The following CTNNA2 variants were observed in gnomAD, a reference collection of about 807,000 sequenced individuals.
The protein encoded by CTNNA2 is catenin alpha 2.
A neutral mutation model predicts 101.0 loss-of-function variants in CTNNA2; 42 were observed. That is an observed-to-expected ratio of 0.42 (90% CI 0.32 to 0.54). The LOEUF (loss-of-function observed/expected upper bound fraction) is 0.54. Ranked by LOEUF, CTNNA2 falls within the 20% of genes least tolerant of loss-of-function variation. The pLI is 0.14. For synonymous variants in CTNNA2, 450 were observed against 456.4 expected (o/e 0.99, Z 0.18); for missense variants, 871 against 1,223.1 (o/e 0.71, Z 4.29).
chr2:79,902,164 G>A (rs1345841727), intron 6 of CTNNA2, among the ~76,000 whole-genome samples: 2 of 152,136 alleles, frequency 1.3e-5, no homozygotes, highest in African/African-American at 4.8e-5. Context: ...TTTTGAAATG[G>A]GGAAATGGCT....
In CTNNA2 at chr2:79,810,397, G is replaced by A. The variant is rs190960053; in HGVS notation, c.299-47616G>A. Among the ~76,000 whole-genome samples, 83 of 152,042 alleles carry A rather than the reference G, an allele frequency of 5.5e-4. 2 individuals are homozygous for A. Among genetic ancestry groups the A allele is most frequent in the Admixed American group, 3.9e-3 (59 of 15,250 alleles). On this transcript the variant is annotated intron_variant, in intron 3 of 18. Transcript: ENST00000402739. ...CTAGGAGAACAGTATGGGGGAAACC[G>A]CCCCATGATTCATTTATCTCCCCCT...
intron 2 of CTNNA2, among the ~76,000 whole-genome samples, chr2:79,295,522 C>CTT: frequency 6.8e-6 from 1 of 147,284 alleles, no homozygotes; most frequent in African/African-American, 2.5e-5. Context: ...TTCTTTCTTT[C>CTT]TTTTTTTTTT....
intron 3 of CTNNA2, among the ~76,000 whole-genome samples, chr2:79,820,014 C>G (rs139793198): frequency 6.6e-6 from 1 of 151,996 alleles, no homozygotes; most frequent in Non-Finnish European, 1.5e-5. Context: ...CTTAGTTCAT[C>G]GTCTAGTTGG....
At chr2:79,387,370 T>G (rs1440511041) in intron 4 of CTNNA2, among the ~76,000 whole-genome samples, 3 of 152,196 alleles carry the variant, frequency 2.0e-5, no homozygotes, top group African/African-American at 7.2e-5. Flanking sequence ...ATTTCCAGAT[T>G]AGCTCGTCAG....
Position 79,226,354 on chromosome 2 carries a change from ACC to A in CTNNA2, c.-406+28281_-406+28282del, listed in dbSNP as rs571257403. ...TAAAACTGGAATAGCAATAGAGCCC[ACC>A]CCATAGAGATTTTGAGAGTATTGCA... On this transcript the variant is annotated intron_variant, in intron 2 of 21. Transcript: ENST00000466387. Among the ~76,000 whole-genome samples, 21 of 152,216 alleles carry A rather than the reference ACC, an allele frequency of 1.4e-4. No individual in the cohort carries two copies. In the South Asian group the frequency reaches 3.9e-3, roughly 29 times the overall value.
At chr2:79,552,650 A>G (rs1674187105) in intron 1 of CTNNA2, among the ~76,000 whole-genome samples, 1 of 152,148 alleles carries the variant, frequency 6.6e-6, no homozygotes. Flanking sequence ...GAGGCTCCCA[A>G]GCCTCAACTC....
At chr2:79,757,963 G>A (rs926581815) in intron 3 of CTNNA2, among the ~76,000 whole-genome samples, 1 of 152,166 alleles carries the variant, frequency 6.6e-6, no homozygotes, top group Non-Finnish European at 1.5e-5. Flanking sequence ...TAACGTCATT[G>A]TTATTCTTGC....
At chr2:80,121,104 A>G (rs1425311311) in intron 7 of CTNNA2, among the ~76,000 whole-genome samples, 1 of 152,214 alleles carries the variant, frequency 6.6e-6, no homozygotes, top group Admixed American at 6.5e-5. Flanking sequence ...TTAAGGCTAG[A>G]CTGCTTTTAA....
intron 7 of CTNNA2, among the ~76,000 whole-genome samples, chr2:79,996,466 G>A (rs985772788): frequency 6.6e-6 from 1 of 152,148 alleles, no homozygotes; most frequent in African/African-American, 2.4e-5. Context: ...GCAGAAAAAA[G>A]AAGATATGGG....
intron 6 of CTNNA2, among the ~76,000 whole-genome samples, chr2:79,890,760 A>C (rs928643940): frequency 2.0e-5 from 3 of 149,042 alleles, no homozygotes; most frequent in Admixed American, 6.8e-5. Context: ...CCTTAGACTG[A>C]GTCATTTATA....
chr2:80,010,885 C>T (rs540751637), intron 7 of CTNNA2, among the ~76,000 whole-genome samples: 2 of 152,028 alleles, frequency 1.3e-5, no homozygotes, highest in African/African-American at 4.8e-5. Flanking sequence ...AAAATTCATA[C>T]AAAAATTGAA....
At chr2:79,278,480 T>G (rs1194150620) in intron 2 of CTNNA2, among the ~76,000 whole-genome samples, 1 of 151,230 alleles carries the variant, frequency 6.6e-6, no homozygotes, top group Non-Finnish European at 1.5e-5. Context: ...AGAGAGGGCC[T>G]ACATGTGACT....
At chr2:79,237,807 C>T (rs1674576135) in intron 2 of CTNNA2, among the ~76,000 whole-genome samples, 1 of 152,212 alleles carries the variant, frequency 6.6e-6, no homozygotes, top group African/African-American at 2.4e-5. Context: ...TTTCCTCTCT[C>T]AGCCATTGTA....
chr2:80,138,003 G>A (rs191635485), intron 7 of CTNNA2, among the ~76,000 whole-genome samples: 54 of 152,230 alleles, frequency 3.5e-4, no homozygotes, highest in Non-Finnish European at 6.6e-4. Flanking sequence ...ACTCAGTTTT[G>A]TGTCAATTTT....
chr2:79,366,915 C>T (rs755935537), intron 3 of CTNNA2, among the ~76,000 whole-genome samples: 8 of 152,262 alleles, frequency 5.3e-5, no homozygotes, highest in African/African-American at 1.2e-4. Flanking sequence ...TGGTATGGGA[C>T]GGTCTCACTG....
At chr2:80,356,671 C>CT in intron 7 of CTNNA2, among the ~76,000 whole-genome samples, 1 of 152,190 alleles carries the variant, frequency 6.6e-6, no homozygotes, top group African/African-American at 2.4e-5. Context: ...TAAAATGTGC[C>CT]TGGCCATTTT....
chr2:80,489,661 TGG>T (rs1261785304), intron 9 of CTNNA2, among the ~76,000 whole-genome samples: 2 of 152,238 alleles, frequency 1.3e-5, no homozygotes, highest in African/African-American at 4.8e-5. Context: ...TTAATAGAAC[TGG>T]GTTCTATCTA....
intron 3 of CTNNA2, among the ~76,000 whole-genome samples, chr2:79,354,258 C>T (rs1442888015): frequency 6.6e-6 from 1 of 152,130 alleles, no homozygotes; most frequent in Non-Finnish European, 1.5e-5. Context: ...AAACTATGTC[C>T]TCAAATATGT....
chr2:79,405,043 C>G (rs1326691759), intron 4 of CTNNA2, among the ~76,000 whole-genome samples: 2 of 152,044 alleles, frequency 1.3e-5, no homozygotes, highest in South Asian at 2.1e-4. Flanking sequence ...TAGAATATGG[C>G]AAAGATGAAG....
Sources: allele counts gnomAD v4.1 joint callset (sites outside exome capture counted in the v4.1 genomes callset), GRCh38; gene constraint gnomAD v4.1.1; transcripts MANE v1.5; gene names NCBI Gene and HGNC (gene_info 2026-07-23, HGNC 2026-07-21).